Variants in OSBPL9 observed in about 807,000 individuals in gnomAD.
The protein encoded by OSBPL9 is oxysterol binding protein like 9, also known as oxysterol-binding protein-related protein 9.
A neutral mutation model predicts 106.6 loss-of-function variants in OSBPL9; 40 were observed. The ratio of observed to expected loss-of-function variants is 0.38; its 90% confidence interval spans 0.29 to 0.49. The LOEUF is 0.49. Ranked by LOEUF, OSBPL9 falls within the 20% of genes least tolerant of loss-of-function variation. The pLI is 0.97. For synonymous variants in OSBPL9, 269 were observed against 295.4 expected (o/e 0.91, Z 0.92); for missense variants, 609 against 887.2 (o/e 0.69, Z 3.98).
At position 51,729,776 on chromosome 1, in the gene OSBPL9, C is replaced by A. The variant is rs1297326537; in HGVS notation, c.318+15697C>A. ...CGCCAGGGCCAGCCAATCGGGGCGACCCCTCCGCCGGGGAGGGGACGGGAA... is the reference window on the plus strand; with the variant it reads ...CGCCAGGGCCAGCCAATCGGGGCGAACCCTCCGCCGGGGAGGGGACGGGAA... On this transcript the variant is annotated intron_variant, in intron 4 of 23. Coordinates refer to ENST00000428468, the MANE Select transcript of OSBPL9 (RefSeq NM_024586.6). The surrounding 1 kb of genome is among the most constrained non-coding windows in gnomAD (Gnocchi z 5.1). 5.8e-6 allele frequency: 7 copies of A among 1,216,138 alleles called. No homozygotes were observed. The highest frequency in any genetic ancestry group is 4.1e-6 in the Non-Finnish European group (4 of 967,498). 75.3% of individuals were successfully genotyped at this position (1,216,138 alleles called of 1,614,324 possible).
At chr1:51,709,325 C>A in intron 3 of OSBPL9, 1 of 217,030 alleles carries the variant, frequency 4.6e-6, no homozygotes, top group South Asian at 8.0e-5. Context: ...TGCAAGCCCT[C>A]AACTTTGCCT....
chr1:51,784,615 C>A, intron 20 of OSBPL9, 33 bp downstream of exon 20: 2 of 1,603,520 alleles, frequency 1.2e-6, no homozygotes, highest in Non-Finnish European at 1.7e-6. Flanking sequence ...AGCTCTTATG[C>A]TTTTCTGAAA....
chr1:51,585,864 T>G (rs1337011817), intron 1 of OSBPL9, among the ~76,000 whole-genome samples: 2 of 94,086 alleles, frequency 2.1e-5, no homozygotes, highest in Non-Finnish European at 3.9e-5. Flanking sequence ...TTTTTAATAG[T>G]TTTTTTTTTT....
intron 1 of OSBPL9, among the ~76,000 whole-genome samples, chr1:51,617,807 G>C (rs1361054287): frequency 6.6e-6 from 1 of 152,120 alleles, no homozygotes; most frequent in Non-Finnish European, 1.5e-5. Context: ...TTAGCGGGAG[G>C]CGAGCTCAAA....
the OSBPL9 span, among the ~76,000 whole-genome samples, chr1:51,542,989 T>C: frequency 6.6e-6 from 1 of 152,252 alleles, no homozygotes; most frequent in African/African-American, 2.4e-5. Flanking sequence ...TCTTTCAGTA[T>C]AGTCTGAAAC....
chr1:51,578,086 G>A (rs1037492899), intron 1 of OSBPL9, among the ~76,000 whole-genome samples: 8 of 152,154 alleles, frequency 5.3e-5, no homozygotes, highest in Admixed American at 4.6e-4. Flanking sequence ...TCTGCTGACC[G>A]TTGTGTGCCA....
chr1:51,691,992 A>C (rs1038875892), intron 3 of OSBPL9, among the ~76,000 whole-genome samples: 2 of 152,138 alleles, frequency 1.3e-5, no homozygotes, highest in African/African-American at 4.8e-5. Context: ...AAATAAATAA[A>C]TAGAAGGCAT....
chr1:51,592,495 G>A lies in OSBPL9; in HGVS notation c.-422-5629G>A, dbSNP rs185449085. On this transcript the variant is annotated intron_variant, in intron 1 of 25. Transcript: ENST00000371714. ...TGTTACTTTTTGGTGTATGTGTCAA[G>A]ATTCAGTCCAATAATTCAGCCATCC... Among the ~76,000 whole-genome samples, 17 of 152,258 alleles carry A rather than the reference G, an allele frequency of 1.1e-4. No homozygotes were observed. The East Asian group carries it at 3.3e-3, about 29-fold the overall frequency.
At chr1:51,531,656 C>T in the OSBPL9 span, among the ~76,000 whole-genome samples, 2 of 152,150 alleles carry the variant, frequency 1.3e-5, no homozygotes, top group African/African-American at 4.8e-5. Flanking sequence ...ATTTGATACA[C>T]TTTTAGATAT....
chr1:51,767,936 CTTTTTT>C (rs869092922), intron 12 of OSBPL9, among the ~76,000 whole-genome samples: 2,809 of 64,908 alleles, frequency 0.043, 39 homozygotes, highest in Middle Eastern at 0.16. Context: ...TAAAGACCGT[CTTTTTT>C]TTTTTTTTTT....
In OSBPL9 at chr1:51,588,808, C is replaced by G. The variant is rs564697944; in HGVS notation, c.-422-9316C>G. On this transcript the variant is annotated intron_variant, in intron 1 of 25. Transcript: ENST00000371714. ...TTTGGATCTCTGAAAAGGATAATTT[C>G]CCAGGGCAATTCATTCTTTGTCAAC... is the stretch of plus-strand genomic sequence containing the variant. Among the ~76,000 whole-genome samples, 3 of 152,290 alleles carry G rather than the reference C, an allele frequency of 2.0e-5. No individual in the cohort carries two copies. The South Asian group carries it at 6.2e-4, about 32-fold the overall frequency.
chr1:51,659,532 A>G (rs1354581196), intron 2 of OSBPL9, among the ~76,000 whole-genome samples: 1 of 152,182 alleles, frequency 6.6e-6, no homozygotes, highest in African/African-American at 2.4e-5. Flanking sequence ...GAAAGAAGAA[A>G]ATAACAAAAA....
chr1:51,588,567 C>G (rs999191523), intron 1 of OSBPL9, among the ~76,000 whole-genome samples: 3 of 152,066 alleles, frequency 2.0e-5, no homozygotes, highest in South Asian at 2.1e-4. Flanking sequence ...GGGATGGTCA[C>G]TTGAGCTCAG....
At chr1:51,746,851 T>C in intron 6 of OSBPL9, 94 bp downstream of exon 6, 1 of 986,610 alleles carries the variant, frequency 1.0e-6, no homozygotes, top group Non-Finnish European at 1.5e-6. Context: ...CTTACTATAA[T>C]AATATTATTG....
At chr1:51,651,890 G>C in intron 1 of OSBPL9, 101 bp from the exon 2 acceptor site, 2 of 829,758 alleles carry the variant, frequency 2.4e-6, no homozygotes, top group Non-Finnish European at 3.9e-6. Context: ...AGAAGGGATG[G>C]GTATTACTGT....
intron 2 of OSBPL9, among the ~76,000 whole-genome samples, chr1:51,609,293 A>G (rs1365526388): frequency 6.8e-6 from 1 of 147,440 alleles, no homozygotes; most frequent in African/African-American, 2.5e-5. Context: ...CACTCTATCC[A>G]CATTCCCTGA....
rs143102640 is a variant in OSBPL9, at chr1:51,659,427, T to A, written c.162+7386T>A. Among the ~76,000 whole-genome samples the A allele has an allele frequency of 3.1e-3, 469 of 152,144 alleles. 3 individuals carry two copies. The highest frequency in any genetic ancestry group is 2.8e-3 in the Non-Finnish European group (189 of 67,938). The stretch of plus-strand genomic sequence containing the variant: ...GCATCTATGGAAGTCTGATTTATAA[T>A]CTTAAATGAATATATTACAAGACAG... On this transcript the variant is annotated intron_variant, in intron 2 of 23. Transcript: ENST00000428468.
At chr1:51,603,100 A>G (rs1645332034) in intron 2 of OSBPL9, among the ~76,000 whole-genome samples, 1 of 152,202 alleles carries the variant, frequency 6.6e-6, no homozygotes, top group African/African-American at 2.4e-5. Context: ...GGCTGCAGTG[A>G]GCCATGATCG....
intron 3 of OSBPL9, among the ~76,000 whole-genome samples, chr1:51,683,316 G>A (rs929396297): frequency 6.6e-6 from 1 of 151,978 alleles, no homozygotes; most frequent in African/African-American, 2.4e-5. Flanking sequence ...GAGTAGCTGC[G>A]ATTACAGACA....
Sources: allele counts gnomAD v4.1 joint callset (sites outside exome capture counted in the v4.1 genomes callset), GRCh38; gene constraint gnomAD v4.1.1; non-coding constraint Gnocchi (gnomAD v3.1); transcripts MANE v1.5; gene names NCBI Gene and HGNC (gene_info 2026-07-23, HGNC 2026-07-21).